TADA2A: variants seen among roughly 807,000 people sequenced by gnomAD.
The protein encoded by TADA2A is transcriptional adaptor 2A.
A neutral mutation model predicts 67.4 loss-of-function variants in TADA2A; 38 were observed. The observed-to-expected ratio is 0.56, with a 90% CI of 0.44 to 0.74. The LOEUF is 0.74. Ranked by LOEUF, TADA2A falls within the 30% of genes least tolerant of loss-of-function variation. TADA2A has a pLI of 0.00. For missense variants in TADA2A, 454 were observed against 547.0 expected, an observed-to-expected ratio of 0.83 and a Z score of 1.70; for synonymous variants, 192 against 181.6, an observed-to-expected ratio of 1.06 and a Z score of -0.46.
intron 5 of TADA2A, among the ~76,000 whole-genome samples, chr17:37,438,302 G>A (rs1176253781): frequency 2.6e-5 from 4 of 152,154 alleles, no homozygotes; most frequent in South Asian, 2.1e-4. Context: ...GTCCAAAACC[G>A]GCGGAATTGA....
At chr17:37,413,328 C>G (rs1007231306) in intron 2 of TADA2A, among the ~76,000 whole-genome samples, 2 of 152,168 alleles carry the variant, frequency 1.3e-5, no homozygotes, top group Non-Finnish European at 2.9e-5. Context: ...TAGTTCAACT[C>G]TTTCATTTTA....
chr17:37,440,771 A>T, intron 6 of TADA2A, 109 bp downstream of exon 6: 1 of 1,336,826 alleles, frequency 7.5e-7, no homozygotes, highest in Non-Finnish European at 1.0e-6. Context: ...ATATCACGGA[A>T]GATAGGAGGA....
chr17:37,466,578 ATT>A (rs976728501), intron 11 of TADA2A, among the ~76,000 whole-genome samples: 2 of 152,112 alleles, frequency 1.3e-5, no homozygotes, highest in Non-Finnish European at 2.9e-5. Flanking sequence ...CCGTGAAAAT[ATT>A]TCTTACATAG....
intron 12 of TADA2A, 31 bp downstream of exon 12, chr17:37,467,556 G>C: frequency 6.4e-7 from 1 of 1,555,778 alleles, no homozygotes; most frequent in Non-Finnish European, 8.8e-7. Flanking sequence ...TACCGTACTT[G>C]AGGGCAAGTA....
At chr17:37,437,315 TCTC>T (rs754666054) in intron 4 of TADA2A, among the ~76,000 whole-genome samples, 17 of 151,554 alleles carry the variant, frequency 1.1e-4, no homozygotes, top group Non-Finnish European at 2.2e-4. Context: ...ATGGTCTCGA[TCTC>T]CTGACCTCGT....
At chr17:37,475,638 G>C (rs1746946815) in intron 15 of TADA2A, among the ~76,000 whole-genome samples, 1 of 151,864 alleles carries the variant, frequency 6.6e-6, no homozygotes, top group Non-Finnish European at 1.5e-5. Context: ...GCTAATTTTT[G>C]TATTTTTAGT....
At chr17:37,476,076 A>G (rs2053886955) in intron 15 of TADA2A, among the ~76,000 whole-genome samples, 1 of 152,176 alleles carries the variant, frequency 6.6e-6, no homozygotes. Context: ...CACCAGGAAC[A>G]GTAAGGATTA....
rs146042544 is a variant in TADA2A at position 37,469,581 on chromosome 17, C to T, written c.896-819C>T. Among the ~76,000 whole-genome samples the T allele has an allele frequency of 5.1e-3, 783 of 152,134 alleles. 9 individuals carry two copies. Among genetic ancestry groups the T allele is most frequent in the African/African-American group, 0.018 (737 of 41,520 alleles). Reference sequence around the variant, plus strand: ...CTGGGAGGTGGAGGTTGCTGTGAGCCGAGATCGCGCCATTGCACTCAAGCC... The same window carrying T: ...CTGGGAGGTGGAGGTTGCTGTGAGCTGAGATCGCGCCATTGCACTCAAGCC... On this transcript the variant is annotated intron_variant, in intron 12 of 15. Coordinates refer to ENST00000615182, the MANE Select transcript of TADA2A (RefSeq NM_001166105.3).
At chr17:37,459,175 G>T (rs375332849) in intron 9 of TADA2A, among the ~76,000 whole-genome samples, 1 of 151,568 alleles carries the variant, frequency 6.6e-6, no homozygotes, top group African/African-American at 2.4e-5. Context: ...TGAATAATAT[G>T]GGTACACTGT....
intron 6 of TADA2A, among the ~76,000 whole-genome samples, chr17:37,441,258 T>C (rs555676781): frequency 6.6e-6 from 1 of 152,324 alleles, no homozygotes; most frequent in South Asian, 2.1e-4. Context: ...CTTTCCTTTG[T>C]AAAATAAGAT....
intron 8 of TADA2A, among the ~76,000 whole-genome samples, chr17:37,457,250 G>A (rs770360529): frequency 4.3e-5 from 6 of 140,374 alleles, no homozygotes; most frequent in East Asian, 2.1e-4. Flanking sequence ...GTGCCATCTC[G>A]GCTCACTGCA....
At chr17:37,466,123 T>C (rs538517125) in intron 11 of TADA2A, among the ~76,000 whole-genome samples, 3 of 152,286 alleles carry the variant, frequency 2.0e-5, no homozygotes, top group South Asian at 2.1e-4. Flanking sequence ...CTATAAAAAA[T>C]TAAAAGTTGT....
intron 5 of TADA2A, among the ~76,000 whole-genome samples, chr17:37,439,500 C>T (rs1005001682): frequency 6.6e-6 from 1 of 152,068 alleles, no homozygotes; most frequent in African/African-American, 2.4e-5. Flanking sequence ...CCAGGCTGGT[C>T]TCGAACTCCT....
chr17:37,474,082 A>G (rs2053845937), intron 14 of TADA2A, among the ~76,000 whole-genome samples: 1 of 152,174 alleles, frequency 6.6e-6, no homozygotes, highest in African/African-American at 2.4e-5. Flanking sequence ...GTTAGGAAGA[A>G]ATAGGTGATA....
At chr17:37,443,857 A>G (rs1248236814) in intron 7 of TADA2A, among the ~76,000 whole-genome samples, 1 of 152,202 alleles carries the variant, frequency 6.6e-6, no homozygotes, top group East Asian at 1.9e-4. Context: ...GTGTATAAAA[A>G]CTATATGTTC....
chr17:37,422,777 C>A (rs750525474), intron 2 of TADA2A, among the ~76,000 whole-genome samples: 1 of 152,156 alleles, frequency 6.6e-6, no homozygotes, highest in Non-Finnish European at 1.5e-5. Context: ...GCTGGAATTA[C>A]AGGGTAAGCT....
chr17:37,465,371 C>T, intron 10 of TADA2A, 60 bp from the exon 11 acceptor site: 1 of 1,309,812 alleles, frequency 7.6e-7, no homozygotes, highest in Admixed American at 2.4e-5. Context: ...AAAAAAAATG[C>T]TGAAAACTCA....
intron 9 of TADA2A, among the ~76,000 whole-genome samples, chr17:37,459,314 G>C (rs370050350): frequency 1.1e-4 from 16 of 146,818 alleles, no homozygotes; most frequent in Non-Finnish European, 1.9e-4. Flanking sequence ...ATGGAGTCTC[G>C]TTCTGTCACC....
chr17:37,429,806 TA>T (rs111472027), intron 4 of TADA2A, among the ~76,000 whole-genome samples: 36,895 of 152,018 alleles, frequency 0.24, 4,543 homozygotes, highest in Middle Eastern at 0.36. Flanking sequence ...AGCCTTCCTC[TA>T]TCCATCTCTA....
Sources: allele counts gnomAD v4.1 joint callset (sites outside exome capture counted in the v4.1 genomes callset), GRCh38; gene constraint gnomAD v4.1.1; transcripts MANE v1.5; gene names NCBI Gene and HGNC (gene_info 2026-07-23, HGNC 2026-07-21).